Variants in MRPL44 observed in about 807,000 individuals in gnomAD.
MRPL44 encodes the protein mitochondrial ribosomal protein L44, also known as large ribosomal subunit protein mL44.
A neutral mutation model predicts 25.9 loss-of-function variants in MRPL44; 21 were observed. The ratio of observed to expected loss-of-function variants is 0.81; its 90% CI spans 0.58 to 1.17. The LOEUF (loss-of-function observed/expected upper bound fraction) is 1.17, where lower values mean the gene tolerates loss of function less well. Ranked by LOEUF, MRPL44 falls within the 50% of genes most tolerant of loss-of-function variation. The pLI is 0.00. For missense variants in MRPL44, 410 were observed against 398.9 expected, an observed-to-expected ratio of 1.03 and a Z score of -0.24; for synonymous variants, 169 against 151.0, an observed-to-expected ratio of 1.12 and a Z score of -0.87.
At position 223,959,822 on chromosome 2, in the gene MRPL44, T is replaced by G. The variant is rs1323175385; in HGVS notation, c.468T>G (p.Leu156=). Residue 156 remains leucine, a synonymous_variant, in exon 2 of 4, where the codon CTT becomes CTG. Coordinates refer to ENST00000258383, the MANE Select transcript of MRPL44 (RefSeq NM_022915.5). ...TGCCCACTGAAGGCATAAAAAATCTTGTTGACTTTCTCACTGGTGAGGAAG... is the reference window on the plus strand; with the variant it reads ...TGCCCACTGAAGGCATAAAAAATCTGGTTGACTTTCTCACTGGTGAGGAAG... ...PDMPTEGIKN[L]VDFLTGEEVV... 6.2e-7 allele frequency: 1 copy of G among 1,614,194 alleles called. No homozygotes were observed. Among genetic ancestry groups the G allele is most frequent in the Non-Finnish European group, 8.5e-7 (1 of 1,180,028 alleles).
Position 223,959,891 on chromosome 2 carries a change from A to G in MRPL44, c.537A>G (p.Thr179=), listed in dbSNP as rs756117084. ...VARNLAVEQL[T]LSEEFPVPPA... ...GAAACTTGGCTGTGGAGCAGTTAAC[A>G]CTGAGTGAAGAATTCCCAGTGCCCC... is the stretch of plus-strand genomic sequence containing the variant. Residue 179 remains threonine (T), a synonymous_variant, in exon 2 of 4, where the codon ACA becomes ACG. Transcript: ENST00000258383. 6.2e-7 allele frequency: 1 copy of G among 1,614,178 alleles called. No homozygotes were observed. The highest frequency in any genetic ancestry group is 1.3e-5 in the African/African-American group (1 of 75,050).
At chr2:223,952,701 C>T (rs1223273776), upstream of MRPL44, among the ~76,000 whole-genome samples, 4 of 152,208 alleles carry the variant, frequency 2.6e-5, no homozygotes, top group African/African-American at 9.7e-5. Context: ...AGACTGTCAC[C>T]TGCTCTTGTA....
At chr2:223,961,115 C>A (rs1689653861) in intron 2 of MRPL44, among the ~76,000 whole-genome samples, 1 of 152,184 alleles carries the variant, frequency 6.6e-6, no homozygotes, top group Non-Finnish European at 1.5e-5. Flanking sequence ...AAGCCGCTAT[C>A]TAAATAGGAT....
intron 3 of MRPL44, among the ~76,000 whole-genome samples, chr2:223,964,469 G>C (rs1231777922): frequency 4.6e-5 from 7 of 152,160 alleles, no homozygotes; most frequent in Admixed American, 4.6e-4. Context: ...ATTTAAGATA[G>C]CTAGATTAAA....
chr2:223,963,833 A>G lies in MRPL44; in HGVS notation c.726A>G (p.Val242=). Residue 242 remains valine, a synonymous_variant, in exon 3 of 4, where the codon GTA becomes GTG. Transcript: ENST00000258383. The part of the protein sequence containing the change: ...WKIINPMGLL[V]EELKKRNVSA... The stretch of plus-strand genomic sequence containing the variant: ...TAATAAATCCCATGGGGCTATTGGT[A>G]GAAGAACTGAAGAAAAGGAATGTTT... The G allele has an allele frequency of 6.2e-7, 1 of 1,613,988 alleles. No individual in the cohort carries two copies. Among genetic ancestry groups the G allele is most frequent in the Non-Finnish European group, 8.5e-7 (1 of 1,179,902 alleles).
Position 223,967,013 on chromosome 2 carries a change from A to C in MRPL44, c.978A>C (p.Glu326Asp), listed in dbSNP as rs745864861. The C allele has an allele frequency of 6.2e-7, 1 of 1,612,982 alleles. No homozygotes were observed. The highest frequency in any genetic ancestry group is 1.3e-5 in the African/African-American group (1 of 74,994). The change falls in exon 4 of 4, where the codon GAA becomes GAC. Residue 326 changes from glutamate (E) to aspartate (D), a missense_variant. Transcript: ENST00000258383. ...AGCCCAAAGAAACCTTGAGAGCAGAAAAGAGCATCACTGCCAGCTAGCCGC... is the reference window on the plus strand; with the variant it reads ...AGCCCAAAGAAACCTTGAGAGCAGACAAGAGCATCACTGCCAGCTAGCCGC... ...YSKPKETLRA[E>D]KSITAS
the MRPL44 span, among the ~76,000 whole-genome samples, chr2:223,952,292 T>C: frequency 1.3e-5 from 2 of 152,136 alleles, no homozygotes; most frequent in Admixed American, 6.6e-5. Flanking sequence ...GTGGCTCCAG[T>C]CCCCACTGGC....
chr2:223,957,429 G>A, upstream of MRPL44: 1 of 1,611,290 alleles, frequency 6.2e-7, no homozygotes, highest in Non-Finnish European at 8.5e-7. Flanking sequence ...GGGGACACTG[G>A]CCCGACTACT....
chr2:223,961,051 C>A (rs913160140), intron 2 of MRPL44, among the ~76,000 whole-genome samples: 2 of 152,182 alleles, frequency 1.3e-5, no homozygotes, highest in Non-Finnish European at 2.9e-5. Flanking sequence ...TTCATTTGTT[C>A]ATCCACTTAA....
intron 3 of MRPL44, among the ~76,000 whole-genome samples, chr2:223,966,271 A>C (rs1689740067): frequency 6.6e-6 from 1 of 151,520 alleles, no homozygotes; most frequent in Admixed American, 6.6e-5. Flanking sequence ...CATCATGCCC[A>C]GCCTAAAGTT....
Position 223,957,499 on chromosome 2 carries a change from G to A in MRPL44, c.27G>A (p.Leu9=). The A allele has an allele frequency of 6.2e-7, 1 of 1,614,130 alleles. No homozygotes were observed. Among genetic ancestry groups the A allele is most frequent in the Non-Finnish European group, 8.5e-7 (1 of 1,180,026 alleles). ...TGGCGTCCGGGCTGGTAAGATTGCT[G>A]CAGCAGGGACATCGCTGCCTCCTGG... The part of the protein sequence containing the change: MASGLVRL[L]QQGHRCLLAP... Residue 9 remains leucine, a synonymous_variant, in exon 1 of 4, where the codon CTG becomes CTA. Transcript: ENST00000258383.
At chr2:223,957,382 G>A (rs772101920), upstream of MRPL44, 349 of 1,531,970 alleles carry the variant, frequency 2.3e-4, no homozygotes, top group Non-Finnish European at 2.9e-4. Context: ...CCTTCTCTTC[G>A]CGTTCCGCGT....
chr2:223,966,235 CAAAAA>C (rs35614150), intron 3 of MRPL44, among the ~76,000 whole-genome samples: 1 of 123,712 alleles, frequency 8.1e-6, no homozygotes. Context: ...GACTCAGTCT[CAAAAA>C]AAAAAAAAAA....
upstream of MRPL44, among the ~76,000 whole-genome samples, chr2:223,952,971 G>A (rs1287247972): frequency 6.6e-6 from 1 of 152,128 alleles, no homozygotes; most frequent in Admixed American, 6.5e-5. Context: ...CATGAGGATT[G>A]TAGGACATAA....
At chr2:223,953,692 G>A (rs568367064), upstream of MRPL44, among the ~76,000 whole-genome samples, 149 of 152,320 alleles carry the variant, frequency 9.8e-4, 1 homozygote, top group Admixed American at 2.0e-3. Context: ...GAGGAAAGAA[G>A]ACTTGGTAAT....
At chr2:223,953,499 T>C (rs954682405), upstream of MRPL44, among the ~76,000 whole-genome samples, 10 of 152,244 alleles carry the variant, frequency 6.6e-5, no homozygotes, top group African/African-American at 2.4e-4. Context: ...GAAATACTTA[T>C]AAAACTTTTC....
chr2:223,962,040 G>A (rs1434981798), intron 2 of MRPL44, among the ~76,000 whole-genome samples: 3 of 152,136 alleles, frequency 2.0e-5, no homozygotes, highest in Admixed American at 6.5e-5. Context: ...GAGAGTGGAT[G>A]TAAGTTTTTT....
At chr2:223,957,344 C>CCCGCCCCGGGGGCTGTCT, upstream of MRPL44, 3 of 1,242,116 alleles carry the variant, frequency 2.4e-6, no homozygotes, top group Non-Finnish European at 3.4e-6. Context: ...TCTCAGTCGC[C>CCCGCCCCGGGGGCTGTCT]CCGCCCCGGG....
At chr2:223,952,686 G>A (rs1263927016), upstream of MRPL44, among the ~76,000 whole-genome samples, 1 of 152,170 alleles carries the variant, frequency 6.6e-6, no homozygotes, top group Admixed American at 6.5e-5. Context: ...AACTTGATGT[G>A]TAAAAGACTG....
Sources: allele counts gnomAD v4.1 joint callset (sites outside exome capture counted in the v4.1 genomes callset), GRCh38; gene constraint gnomAD v4.1.1; transcripts MANE v1.5; gene names NCBI Gene and HGNC (gene_info 2026-07-23, HGNC 2026-07-21).